Variants in CRB1 observed in about 807,000 individuals in gnomAD.
CRB1 encodes the protein protein crumbs homolog 1.
Under a neutral mutation model 120.0 loss-of-function variants are expected in CRB1, and 83 were observed. The observed-to-expected ratio is 0.69, with a 90% CI of 0.58 to 0.83. The LOEUF (loss-of-function observed/expected upper bound fraction) is 0.83. Among genes scored for constraint, CRB1 ranks in the 40% least tolerant of loss-of-function variants. The pLI is 0.00. For missense variants in CRB1, 1,699 were observed against 1,687.6 expected, an observed-to-expected ratio of 1.01 and a Z score of -0.12; for synonymous variants, 625 against 612.5, an observed-to-expected ratio of 1.02 and a Z score of -0.30.
the CRB1 span, among the ~76,000 whole-genome samples, chr1:197,211,803 T>C: frequency 3.1e-4 from 28 of 91,262 alleles, no homozygotes; most frequent in Admixed American, 9.7e-4. Flanking sequence ...TGCATCAATA[T>C]TAAAATTTTT....
intron 5 of CRB1, among the ~76,000 whole-genome samples, chr1:197,414,793 G>C (rs1041676033): frequency 6.6e-6 from 1 of 152,054 alleles, no homozygotes; most frequent in Non-Finnish European, 1.5e-5. Flanking sequence ...TAACCAATAG[G>C]AGACATTTTT....
chr1:197,373,393 C>G (rs1661474788), intron 5 of CRB1, among the ~76,000 whole-genome samples: 1 of 152,162 alleles, frequency 6.6e-6, no homozygotes, highest in African/African-American at 2.4e-5. Context: ...TTAGTCTCCC[C>G]TTTAGATGTG....
In CRB1 at chr1:197,476,395, T is replaced by TGC. The variant is rs1435419550; in HGVS notation, c.4006-1268_4006-1267insCG. 1.8e-3 allele frequency among the ~76,000 whole-genome samples: 251 copies of TGC among 142,340 alleles called. 1 individual carries two copies. Among genetic ancestry groups the TGC allele is most frequent in the South Asian group, 8.1e-3 (31 of 3,834 alleles). The allele number at this position is 142,340 out of a possible 152,430, so 93.4% of individuals were successfully genotyped here. The stretch of plus-strand genomic sequence containing the variant: ...GTGTGTGTGTGTGTGTGTGTGTGTG[T>TGC]GTGCGCGTCTTCCTCTTCTCCTATC... On this transcript the variant is annotated intron_variant, in intron 11 of 11. Coordinates refer to ENST00000367400, the MANE Select transcript of CRB1 (RefSeq NM_201253.3).
At chr1:197,295,770 T>C (rs900229879) in intron 1 of CRB1, among the ~76,000 whole-genome samples, 1 of 152,012 alleles carries the variant, frequency 6.6e-6, no homozygotes, top group Non-Finnish European at 1.5e-5. Context: ...AGATCTTCTC[T>C]GAAGTGCGAC....
chr1:197,457,216 G>T (rs368860541), intron 11 of CRB1, among the ~76,000 whole-genome samples: 3 of 151,870 alleles, frequency 2.0e-5, no homozygotes, highest in Non-Finnish European at 4.4e-5. Flanking sequence ...TCATAGCATC[G>T]TATAATAATA....
intron 1 of CRB1, among the ~76,000 whole-genome samples, chr1:197,299,228 T>A (rs1656724098): frequency 6.6e-6 from 1 of 152,084 alleles, no homozygotes; most frequent in Non-Finnish European, 1.5e-5. Flanking sequence ...GAAGCACGAA[T>A]GGTCAAAAAC....
chr1:197,216,165 CATTAATCTATTCAAATAGT>C, the CRB1 span, among the ~76,000 whole-genome samples: 1 of 152,240 alleles, frequency 6.6e-6, no homozygotes, highest in South Asian at 2.1e-4. Context: ...GGTATAGTCC[CATTAATCTATTCAAATAGT>C]TTCAGGTTAG....
At chr1:197,255,004 T>C in the CRB1 span, among the ~76,000 whole-genome samples, 1 of 152,100 alleles carries the variant, frequency 6.6e-6, no homozygotes, top group Non-Finnish European at 1.5e-5. Context: ...TTTAAAAGCA[T>C]GGTAAGGACA....
Position 197,358,681 on chromosome 1 carries a change from T to C in CRB1, c.1171+1668T>C, listed in dbSNP as rs186232447. Among the ~76,000 whole-genome samples, 12 of 152,292 alleles carry C rather than the reference T, an allele frequency of 7.9e-5. No homozygotes were observed. In the South Asian group the frequency reaches 8.3e-4, roughly 11 times the overall value. ...CCCGCTTCAAAATGTTACTTCCAAATTTGCTGTGCTCTTATGAAGCAAGCT... is the reference window on the plus strand; with the variant it reads ...CCCGCTTCAAAATGTTACTTCCAAACTTGCTGTGCTCTTATGAAGCAAGCT... On this transcript the variant is annotated intron_variant, in intron 5 of 11. Transcript: ENST00000367400.
In CRB1 at chr1:197,421,468, A is replaced by G. The variant is rs1167933684; in HGVS notation, c.1640A>G (p.Gln547Arg). Residue 547 changes from glutamine (Q) to arginine (R), a missense_variant, in exon 6 of 12, where the codon CAG (glutamine) becomes CGG (arginine). Coordinates refer to ENST00000367400, the MANE Select transcript of CRB1 (RefSeq NM_201253.3). ...AGTGGCTACATTCACTTATCAATTC[A>G]GGTCAATAATCAGTCAAAGGTGCTT... ...LLSGYIHLSI[Q>R]VNNQSKVLLF... The G allele has an allele frequency of 1.7e-5, 28 of 1,614,250 alleles. No individual in the cohort carries two copies. Among genetic ancestry groups the G allele is most frequent in the Non-Finnish European group, 2.2e-5 (26 of 1,180,036 alleles).
chr1:197,438,313 A>T (rs1665259629), intron 9 of CRB1, among the ~76,000 whole-genome samples: 1 of 152,102 alleles, frequency 6.6e-6, no homozygotes, highest in Non-Finnish European at 1.5e-5. Context: ...CACAAACGAA[A>T]ACTGTGTAGA....
At chr1:197,221,204 A>T in the CRB1 span, among the ~76,000 whole-genome samples, 8 of 152,228 alleles carry the variant, frequency 5.3e-5, no homozygotes, top group Non-Finnish European at 1.0e-4. Context: ...AATAAAGCCA[A>T]CTTCTAGCAG....
At chr1:197,357,133 C>G (rs773197786) in intron 5 of CRB1, 120 bp downstream of exon 5, 1 of 992,458 alleles carries the variant, frequency 1.0e-6, no homozygotes, top group South Asian at 1.3e-5. Flanking sequence ...TGCTGTGGTG[C>G]AAAGGGTCCC....
chr1:197,420,855 T>G (rs1293425563), intron 5 of CRB1, 145 bp from the exon 6 acceptor site: 2 of 656,022 alleles, frequency 3.0e-6, no homozygotes, highest in Non-Finnish European at 5.4e-6. Flanking sequence ...TTACTTTTCC[T>G]TATTAAGTGT....
At chr1:197,379,892 T>G (rs1296138486) in intron 5 of CRB1, among the ~76,000 whole-genome samples, 1 of 152,210 alleles carries the variant, frequency 6.6e-6, no homozygotes, top group African/African-American at 2.4e-5. Flanking sequence ...ACCTAGATAA[T>G]TAGTATAACA....
intron 11 of CRB1, among the ~76,000 whole-genome samples, chr1:197,450,782 TACA>T (rs1665924712): frequency 5.4e-4 from 1 of 1,850 alleles, no homozygotes. Context: ...CTACTAAAAA[TACA>T]AAAAAAAAAA....
At chr1:197,233,465 G>A in the CRB1 span, among the ~76,000 whole-genome samples, 4 of 152,266 alleles carry the variant, frequency 2.6e-5, no homozygotes, top group East Asian at 1.9e-4. Context: ...GTAAATGATC[G>A]TCCTTATCTC....
intron 5 of CRB1, among the ~76,000 whole-genome samples, chr1:197,364,288 T>C (rs1423497208): frequency 6.6e-6 from 1 of 152,258 alleles, no homozygotes; most frequent in African/African-American, 2.4e-5. Flanking sequence ...TAATAGATTA[T>C]TTCTATCTAA....
chr1:197,249,889 A>T, the CRB1 span, among the ~76,000 whole-genome samples: 2 of 152,020 alleles, frequency 1.3e-5, no homozygotes, highest in African/African-American at 2.4e-5. Context: ...GAAACTAAGG[A>T]ATAGGCTATG....
Sources: allele counts gnomAD v4.1 joint callset (sites outside exome capture counted in the v4.1 genomes callset), GRCh38; gene constraint gnomAD v4.1.1; transcripts MANE v1.5; gene names NCBI Gene and HGNC (gene_info 2026-07-23, HGNC 2026-07-21).